The following ENTPD1 variants were observed in gnomAD, a reference collection of about 807,000 sequenced individuals.
ENTPD1 encodes the protein ATP diphosphohydrolase.
Under a neutral mutation model 57.0 loss-of-function variants are expected in ENTPD1, and 33 were observed. That is an observed-to-expected ratio of 0.58 (90% CI 0.44 to 0.77). The LOEUF (loss-of-function observed/expected upper bound fraction) is 0.77. Among genes scored for constraint, ENTPD1 ranks in the 30% least tolerant of loss-of-function variants. The pLI, the probability that ENTPD1 is intolerant of heterozygous loss-of-function variation, is 0.00. For missense variants in ENTPD1, 501 were observed against 603.4 expected (o/e 0.83, Z 1.78); for synonymous variants, 202 against 218.8 (o/e 0.92, Z 0.68).
At position 95,741,429 on chromosome 10, in the gene ENTPD1, A is replaced by G. The variant is rs923469300; in HGVS notation, c.37+29436A>G. 6.6e-5 allele frequency among the ~76,000 whole-genome samples: 10 copies of G among 152,246 alleles called. 1 individual carries two copies. The highest frequency in any genetic ancestry group is 1.5e-4 in the Non-Finnish European group (10 of 68,042). Reference sequence around the variant, plus strand: ...TATCAAACATCACTGATCCCAGATCATCATAAGAAGTATAATAATAATGAA... The same window carrying G: ...TATCAAACATCACTGATCCCAGATCGTCATAAGAAGTATAATAATAATGAA... On this transcript the variant is annotated intron_variant, in intron 1 of 9. Transcript: ENST00000453258.
chr10:95,869,672 TA>T lies in ENTPD1; in HGVS notation c.*3293del. On this transcript the variant is annotated 3_prime_UTR_variant, in exon 10 of 10. Coordinates refer to ENST00000371205, the MANE Select transcript of ENTPD1 (RefSeq NM_001776.6). ...CAATTCTTAATAAGAAATATGTAAA[TA>T]AAATTTTTTAAAATTACACTTCATT... 2 of 974,186 alleles carry T rather than the reference TA, an allele frequency of 2.1e-6. No individual in the cohort carries two copies. The highest frequency in any genetic ancestry group is 2.4e-6 in the Non-Finnish European group (2 of 819,706). 60.3% of individuals were successfully genotyped at this position (974,186 alleles called of 1,614,324 possible). A position where few individuals can be genotyped will look rare whatever the true frequency, so the allele number is the denominator to read the frequency against.
intron 1 of ENTPD1, among the ~76,000 whole-genome samples, chr10:95,767,286 G>A (rs1313335471): frequency 7.3e-6 from 1 of 136,778 alleles, no homozygotes; most frequent in African/African-American, 2.9e-5. Context: ...CTGCACTCCA[G>A]CCTGGGAGAC....
the ENTPD1 span, chr10:95,694,213 T>G: frequency 5.4e-6 from 2 of 372,740 alleles, no homozygotes; most frequent in Admixed American, 4.7e-5. Flanking sequence ...GACCGAGAGG[T>G]TCCGCGCCCA....
upstream of ENTPD1, among the ~76,000 whole-genome samples, chr10:95,708,097 G>A (rs1478279467): frequency 6.6e-6 from 1 of 152,186 alleles, no homozygotes; most frequent in Non-Finnish European, 1.5e-5. Flanking sequence ...CATTAGGAAT[G>A]TAAACTGTTA....
chr10:95,795,523 A>T (rs1489796622), intron 1 of ENTPD1, among the ~76,000 whole-genome samples: 1 of 152,208 alleles, frequency 6.6e-6, no homozygotes, highest in East Asian at 1.9e-4. Context: ...GACCAAATAT[A>T]TAGTATTTCC....
intron 1 of ENTPD1, among the ~76,000 whole-genome samples, chr10:95,750,164 T>A (rs58072411): frequency 3.0e-4 from 45 of 152,344 alleles, no homozygotes; most frequent in African/African-American, 1.1e-3. Flanking sequence ...TAAAACATGA[T>A]AACACGAGTG....
intron 1 of ENTPD1, among the ~76,000 whole-genome samples, chr10:95,724,216 T>A (rs1397865233): frequency 6.9e-6 from 1 of 144,426 alleles, no homozygotes; most frequent in Non-Finnish European, 1.5e-5. Flanking sequence ...CACACCTGAG[T>A]CTTAAGTCCA....
chr10:95,775,784 G>T (rs1430402822), intron 1 of ENTPD1, among the ~76,000 whole-genome samples: 1 of 152,126 alleles, frequency 6.6e-6, no homozygotes, highest in African/African-American at 2.4e-5. Context: ...AAGTCTCTTT[G>T]TAGGTCTCTA....
At chr10:95,807,941 A>T (rs1453367353) in intron 1 of ENTPD1, among the ~76,000 whole-genome samples, 1 of 152,166 alleles carries the variant, frequency 6.6e-6, no homozygotes, top group African/African-American at 2.4e-5. Context: ...CCTAACCAGG[A>T]CATCCAATAC....
At chr10:95,852,492 T>G (rs2098447146) in intron 7 of ENTPD1, among the ~76,000 whole-genome samples, 1 of 152,254 alleles carries the variant, frequency 6.6e-6, no homozygotes, top group Non-Finnish European at 1.5e-5. Flanking sequence ...GTATTAGACA[T>G]GAAGTCTTTG....
At chr10:95,755,469 CTG>C, upstream of ENTPD1, 1 of 554,524 alleles carries the variant, frequency 1.8e-6, no homozygotes, top group Admixed American at 3.1e-5. Flanking sequence ...TCTTGACGGT[CTG>C]GATGTGGTAA....
At chr10:95,697,435 C>T in the ENTPD1 span, among the ~76,000 whole-genome samples, 4 of 152,266 alleles carry the variant, frequency 2.6e-5, no homozygotes, top group East Asian at 3.9e-4. Context: ...ACTAGGTTTG[C>T]GTGTCTCCTC....
chr10:95,870,208 G>GA lies in ENTPD1; in HGVS notation c.*3828dup. The GA allele has an allele frequency of 1.0e-6, 1 of 985,442 alleles. No homozygotes were observed. The allele number at this position is 985,442 out of a possible 1,614,324, so 61.0% of individuals were successfully genotyped here. On this transcript the variant is annotated 3_prime_UTR_variant, in exon 10 of 10. Coordinates refer to ENST00000371205, the MANE Select transcript of ENTPD1 (RefSeq NM_001776.6). ...CAAGATGCATGACAAGAGACCTTGG[G>GA]AAAGTTTCATCTGGATTTAAAGATT... is the stretch of plus-strand genomic sequence containing the variant.
upstream of ENTPD1, among the ~76,000 whole-genome samples, chr10:95,710,577 T>C (rs1300734366): frequency 6.6e-6 from 1 of 152,208 alleles, no homozygotes; most frequent in East Asian, 1.9e-4. Flanking sequence ...AAGAGATTAA[T>C]AAACAATGAA....
intron 1 of ENTPD1, among the ~76,000 whole-genome samples, chr10:95,721,785 G>A (rs533170962): frequency 6.6e-6 from 1 of 152,106 alleles, no homozygotes; most frequent in Non-Finnish European, 1.5e-5. Context: ...TGCTTTCCAG[G>A]GTGCGTAACT....
Position 95,873,247 on chromosome 10 carries a change from C to T in ENTPD1, c.*6864C>T. 3.0e-6 allele frequency: 3 copies of T among 985,410 alleles called. No individual in the cohort carries two copies. The highest frequency in any genetic ancestry group is 3.6e-6 in the Non-Finnish European group (3 of 829,922). The allele number at this position is 985,410 out of a possible 1,614,324, so 61.0% of individuals were successfully genotyped here. On this transcript the variant is annotated 3_prime_UTR_variant, in exon 10 of 10. Coordinates refer to ENST00000371205, the MANE Select transcript of ENTPD1 (RefSeq NM_001776.6). ...TCTCAGATCAGTGTTCATCCACTACCTGACTACTGTCATTCACAGGCATTC... is the reference window on the plus strand; with the variant it reads ...TCTCAGATCAGTGTTCATCCACTACTTGACTACTGTCATTCACAGGCATTC...
chr10:95,735,314 T>A (rs1426002105), intron 1 of ENTPD1, among the ~76,000 whole-genome samples: 2 of 152,326 alleles, frequency 1.3e-5, no homozygotes, highest in East Asian at 3.9e-4. Context: ...CCATCATGCC[T>A]GGCAAAAATA....
Position 95,869,905 on chromosome 10 carries a change from G to GT in ENTPD1, c.*3523dup. 4 of 917,646 alleles carry GT rather than the reference G, an allele frequency of 4.4e-6. No individual in the cohort carries two copies. The South Asian group carries it at 2.0e-4, about 46-fold the overall frequency. 56.8% of individuals were successfully genotyped at this position (917,646 alleles called of 1,614,324 possible). On this transcript the variant is annotated 3_prime_UTR_variant, in exon 10 of 10. Coordinates refer to ENST00000371205, the MANE Select transcript of ENTPD1 (RefSeq NM_001776.6). ...CAGCACATCTTAATTAGGACTAGCT[G>GT]TGTGTTCACCTCACATGTGGCTTGT...
chr10:95,872,257 C>T lies in ENTPD1; in HGVS notation c.*5874C>T. Reference sequence around the variant, plus strand: ...GCTGCTCAACTAAAACCACTGGTGGCTTTCCATTGCCTACAAAATAAAGTC... The same window carrying T: ...GCTGCTCAACTAAAACCACTGGTGGTTTTCCATTGCCTACAAAATAAAGTC... On this transcript the variant is annotated 3_prime_UTR_variant, in exon 10 of 10. Coordinates refer to ENST00000371205, the MANE Select transcript of ENTPD1 (RefSeq NM_001776.6). 1.0e-6 allele frequency: 1 copy of T among 985,420 alleles called. No homozygotes were observed. Among genetic ancestry groups the T allele is most frequent in the African/African-American group, 1.7e-5 (1 of 57,356 alleles). 61.0% of individuals were successfully genotyped at this position (985,420 alleles called of 1,614,324 possible).
Sources: allele counts gnomAD v4.1 joint callset (sites outside exome capture counted in the v4.1 genomes callset), GRCh38; gene constraint gnomAD v4.1.1; transcripts MANE v1.5; gene names NCBI Gene and HGNC (gene_info 2026-07-23, HGNC 2026-07-21).